The following RAP1GAP2 variants were observed in gnomAD, a reference collection of about 807,000 sequenced individuals.
RAP1GAP2 encodes rap1 GTPase-activating protein 2.
In RAP1GAP2, 27 loss-of-function variants were observed where a neutral mutation model predicts 95.0. The observed-to-expected ratio is 0.28, with a 90% CI of 0.21 to 0.39. The LOEUF is 0.39. RAP1GAP2 is among the 10% of genes least tolerant of loss of function. The probability of loss-of-function intolerance (pLI) is 1.00; values close to 1 mark genes in which losing one functional copy is unlikely to be tolerated. For synonymous variants in RAP1GAP2, 373 were observed against 380.9 expected (o/e 0.98, Z 0.24); for missense variants, 771 against 970.0 (o/e 0.79, Z 2.72).
intron 8 of RAP1GAP2, among the ~76,000 whole-genome samples, chr17:2,974,505 A>G (rs1042055389): frequency 1.3e-5 from 2 of 152,204 alleles, no homozygotes; most frequent in African/African-American, 4.8e-5. Context: ...TTCAGTCAAA[A>G]GAAAAGAAAA....
At chr17:2,758,620 A>G (rs533122898) in intron 1 of RAP1GAP2, among the ~76,000 whole-genome samples, 7 of 152,290 alleles carry the variant, frequency 4.6e-5, no homozygotes, top group African/African-American at 1.7e-4. Context: ...ATACCCTCTC[A>G]ATCCATGCCA....
chr17:2,987,989 G>T (rs1005836664), intron 11 of RAP1GAP2, among the ~76,000 whole-genome samples: 1 of 152,196 alleles, frequency 6.6e-6, no homozygotes, highest in Non-Finnish European at 1.5e-5. Flanking sequence ...AGAGCCTGTT[G>T]ATCAGGCAGT....
intron 17 of RAP1GAP2, among the ~76,000 whole-genome samples, chr17:3,010,336 CA>C (rs1179623628): frequency 0.35 from 24,937 of 71,108 alleles, 959 homozygotes; most frequent in South Asian, 0.44. Flanking sequence ...GAGACTGTCT[CA>C]AAAAAAAAAA....
chr17:2,954,174 G>C (rs2044022101), intron 3 of RAP1GAP2, among the ~76,000 whole-genome samples: 1 of 151,842 alleles, frequency 6.6e-6, no homozygotes. Context: ...GCGCGATCTT[G>C]GCTCACTGCA....
intron 3 of RAP1GAP2, among the ~76,000 whole-genome samples, chr17:2,946,993 G>C (rs2043720632): frequency 6.6e-6 from 1 of 152,226 alleles, no homozygotes; most frequent in Non-Finnish European, 1.5e-5. Context: ...GACCCCAGGT[G>C]ATCCGCCCGC....
chr17:2,921,704 G>A (rs1002635935), intron 3 of RAP1GAP2, among the ~76,000 whole-genome samples: 3 of 90,518 alleles, frequency 3.3e-5, no homozygotes, highest in South Asian at 3.7e-4. Flanking sequence ...CCGCAGGGCC[G>A]TTATGTGTCC....
rs370185853 is a variant in RAP1GAP2, at chr17:3,013,553, C to T, written c.1495-4508C>T. On this transcript the variant is annotated intron_variant, in intron 17 of 24. Coordinates refer to ENST00000254695, the MANE Select transcript of RAP1GAP2 (RefSeq NM_015085.5). ...CTCCTCACACTTACCTTGCTGACTC[C>T]GGCGGCTGCACCAGGACTAATTGAG... Among the ~76,000 whole-genome samples, 77 of 151,852 alleles carry T rather than the reference C, an allele frequency of 5.1e-4. 1 individual carries two copies. Among genetic ancestry groups the T allele is most frequent in the African/African-American group, 1.6e-3 (67 of 41,450 alleles).
chr17:3,028,410 A>G (rs1424880084), intron 22 of RAP1GAP2, among the ~76,000 whole-genome samples: 3 of 152,136 alleles, frequency 2.0e-5, no homozygotes, highest in African/African-American at 7.2e-5. Context: ...TAAGCAATGT[A>G]CAGGACAGCC....
chr17:2,949,151 C>T (rs991373687), intron 3 of RAP1GAP2, among the ~76,000 whole-genome samples: 2 of 152,122 alleles, frequency 1.3e-5, no homozygotes. Flanking sequence ...GCTGGCTCTG[C>T]GTGGTTATCT....
chr17:2,778,485 A>C (rs2068560091), intron 1 of RAP1GAP2, among the ~76,000 whole-genome samples: 1 of 151,836 alleles, frequency 6.6e-6, no homozygotes, highest in African/African-American at 2.4e-5. Flanking sequence ...AGAGAAGAGG[A>C]CCCTGCTGCT....
intron 1 of RAP1GAP2, among the ~76,000 whole-genome samples, chr17:2,762,231 C>T (rs2071267728): frequency 6.6e-6 from 1 of 151,544 alleles, no homozygotes; most frequent in Admixed American, 6.6e-5. Context: ...TCGTGATCCA[C>T]CTGCCTCGGC....
intron 19 of RAP1GAP2, among the ~76,000 whole-genome samples, chr17:3,025,123 T>C (rs1327565848): frequency 6.6e-6 from 1 of 152,186 alleles, no homozygotes; most frequent in Non-Finnish European, 1.5e-5. Context: ...ACGCCTGTAA[T>C]CTCAGCACTC....
At chr17:2,966,399 G>T (rs1381501669) in intron 8 of RAP1GAP2, among the ~76,000 whole-genome samples, 1 of 152,214 alleles carries the variant, frequency 6.6e-6, no homozygotes, top group Non-Finnish European at 1.5e-5. Flanking sequence ...ATTTATCTCT[G>T]TCCCTGGTTG....
intron 7 of RAP1GAP2, 134 bp downstream of exon 7, chr17:2,964,202 A>G (rs1369842583): frequency 2.6e-5 from 9 of 349,578 alleles, no homozygotes; most frequent in South Asian, 6.3e-5. Flanking sequence ...AGGAGCTGCC[A>G]GGGGTGGGGG....
chr17:2,935,640 C>T (rs562713940), intron 3 of RAP1GAP2, among the ~76,000 whole-genome samples: 8 of 152,142 alleles, frequency 5.3e-5, no homozygotes, highest in African/African-American at 1.2e-4. Context: ...CACGTAGAGC[C>T]GGCAGACATT....
chr17:2,988,361 A>G (rs144334251), intron 11 of RAP1GAP2, among the ~76,000 whole-genome samples: 1 of 152,334 alleles, frequency 6.6e-6, no homozygotes, highest in African/African-American at 2.4e-5. Flanking sequence ...TACCACAACC[A>G]GGATGTGGAC....
At chr17:2,818,564 G>T (rs1165046385) in intron 2 of RAP1GAP2, among the ~76,000 whole-genome samples, 2 of 152,080 alleles carry the variant, frequency 1.3e-5, no homozygotes, top group African/African-American at 2.4e-5. Context: ...CTGACCTCAA[G>T]TGATCCACCT....
chr17:2,795,877 T>G (rs1436066811), upstream of RAP1GAP2, among the ~76,000 whole-genome samples: 1 of 152,156 alleles, frequency 6.6e-6, no homozygotes, highest in African/African-American at 2.4e-5. Context: ...TATGTCTGCG[T>G]GCATGTATCT....
At chr17:3,017,956 C>CGTGTGTGTGTGT in intron 17 of RAP1GAP2, 105 bp from the exon 18 acceptor site, 1 of 1,030,380 alleles carries the variant, frequency 9.7e-7, no homozygotes, top group Non-Finnish European at 1.4e-6. Flanking sequence ...TGTATGTGTG[C>CGTGTGTGTGTGT]ACGCATACGT....
Sources: gnomAD v4.1 joint callset for allele counts (sites outside exome capture counted in the v4.1 genomes callset) on GRCh38, gnomAD v4.1.1 for gene constraint, MANE v1.5 for transcripts, NCBI Gene and HGNC (gene_info 2026-07-23, HGNC 2026-07-21) for gene names.